Variants in GYS1 observed in about 807,000 individuals in gnomAD.
GYS1 encodes glycogen synthase 1, also known as glycogen [starch] synthase, muscle.
Under a neutral mutation model 89.1 loss-of-function variants are expected in GYS1, and 60 were observed. The observed-to-expected ratio is 0.67, with a 90% CI of 0.55 to 0.84. The LOEUF is 0.84. GYS1 is among the 40% of genes least tolerant of loss of function. The pLI is 0.00. For synonymous variants in GYS1, 366 were observed against 401.7 expected (o/e 0.91, Z 1.06); for missense variants, 888 against 1,003.1 (o/e 0.89, Z 1.55).
At chr19:48,979,003 A>T (rs902151687) in intron 8 of GYS1, among the ~76,000 whole-genome samples, 1 of 152,104 alleles carries the variant, frequency 6.6e-6, no homozygotes, top group Non-Finnish European at 1.5e-5. Flanking sequence ...TCCCTCTCTG[A>T]CTGCAGTGAC....
At chr19:48,972,211 G>A (rs573739833) in intron 12 of GYS1, among the ~76,000 whole-genome samples, 5 of 151,794 alleles carry the variant, frequency 3.3e-5, no homozygotes, top group Middle Eastern at 3.4e-3. Context: ...GGTGGCAGGC[G>A]CCTATAGTCC....
At chr19:48,988,091 C>T (rs144806285) in intron 2 of GYS1, among the ~76,000 whole-genome samples, 12 of 152,208 alleles carry the variant, frequency 7.9e-5, no homozygotes, top group African/African-American at 2.2e-4. Flanking sequence ...CGTGAGCCAC[C>T]GCACCCAGCC....
At chr19:48,984,449 G>A (rs1454453938) in intron 5 of GYS1, among the ~76,000 whole-genome samples, 1 of 149,752 alleles carries the variant, frequency 6.7e-6, no homozygotes, top group African/African-American at 2.5e-5. Context: ...AGGCTGGAGT[G>A]CAGTGGTGTG....
intron 13 of GYS1, 37 bp downstream of exon 13, chr19:48,970,891 G>T: frequency 1.3e-6 from 2 of 1,523,330 alleles, no homozygotes; most frequent in Non-Finnish European, 1.8e-6. Context: ...CTGTTCTCAA[G>T]CCCCCTTCCA....
At chr19:48,992,866 A>C (rs1453829249) in intron 1 of GYS1, 129 bp downstream of exon 1, 1 of 708,924 alleles carries the variant, frequency 1.4e-6, no homozygotes, top group Non-Finnish European at 2.6e-6. Context: ...GCCCCTCCTC[A>C]AGGACACAGC....
chr19:48,971,067 C>A, intron 12 of GYS1, 44 bp from the exon 13 acceptor site: 1 of 1,330,872 alleles, frequency 7.5e-7, no homozygotes. Context: ...TCCCTCATCG[C>A]CTACCGTCTT....
chr19:48,978,265 G>C, intron 8 of GYS1, 108 bp from the exon 9 acceptor site: 1 of 974,902 alleles, frequency 1.0e-6, no homozygotes, highest in Non-Finnish European at 1.6e-6. Flanking sequence ...GGCTCTTGTT[G>C]CCCAGGCTGG....
rs2038919435 is a variant in GYS1 at position 48,991,180 on chromosome 19, T to C, written c.300+122A>G. 1 of 1,081,166 alleles carries C rather than the reference T, an allele frequency of 9.2e-7. No homozygotes were observed. The highest frequency in any genetic ancestry group is 1.4e-6 in the Non-Finnish European group (1 of 713,662). The allele number at this position is 1,081,166 out of a possible 1,614,324, so 67.0% of individuals were successfully genotyped here. ...TGGGTGTCCTATCACGCCTCCTTCC[T>C]GTGTCCAAGCCTGCCTCGCTCTCTG... is the stretch of plus-strand genomic sequence containing the variant. On this transcript the variant is annotated intron_variant, in intron 2 of 15. Transcript: ENST00000323798. The surrounding 1 kb of genome is among the most constrained non-coding windows in gnomAD (Gnocchi z 4.7).
intron 1 of GYS1, among the ~76,000 whole-genome samples, chr19:48,992,044 C>T (rs2038940871): frequency 6.6e-6 from 1 of 152,124 alleles, no homozygotes; most frequent in African/African-American, 2.4e-5. Flanking sequence ...CTAGGGACAC[C>T]AGCATGCAGG....
rs1053474250 is a variant in GYS1, at chr19:48,974,727, A to T, written c.1315T>A (p.Ser439Thr). ...KRAIFATQRQ[S>T]FPPVCTHNML... ...TTGTGGGTGCACACAGGGGGGAAAG[A>T]CTGCCGCTGCAGGAGCCACAAGAAG... Residue 439 changes from serine (S) to threonine (T), a missense_variant, in exon 11 of 16, where the codon TCT becomes ACT. Physicochemically the swap from Ser to Thr is moderately conservative, Grantham distance 58. Transcript: ENST00000323798. 6 of 1,609,468 alleles carry T rather than the reference A, an allele frequency of 3.7e-6. No homozygotes were observed. Among genetic ancestry groups the T allele is most frequent in the Admixed American group, 3.3e-5 (2 of 59,964 alleles).
chr19:48,992,149 G>A (rs1212921699), intron 1 of GYS1, among the ~76,000 whole-genome samples: 2 of 151,986 alleles, frequency 1.3e-5, no homozygotes, highest in African/African-American at 4.8e-5. Flanking sequence ...TACCCGGCTG[G>A]GTGTTCACGG....
intron 10 of GYS1, 141 bp downstream of exon 10, chr19:48,977,783 G>T: frequency 1.4e-6 from 1 of 721,254 alleles, no homozygotes; most frequent in East Asian, 2.6e-5. Context: ...CCCTTCTGTG[G>T]ACCTCAGAAT....
chr19:48,993,304 G>A lies in GYS1; in HGVS notation c.-192C>T, dbSNP rs558266450. 6.1e-6 allele frequency: 4 copies of A among 651,588 alleles called. No individual in the cohort carries two copies. The highest frequency in any genetic ancestry group is 3.0e-5 in the South Asian group (2 of 67,490). The allele number at this position is 651,588 out of a possible 1,614,324, so 40.4% of individuals were successfully genotyped here. On this transcript the variant is annotated 5_prime_UTR_variant, in exon 1 of 16. In the 5' UTR this introduces an upstream ATG that the reference lacks. Transcript: ENST00000323798. ...GACCTAGGCAGAAGGAGGCCGCAGC[G>A]TCACTGAGCCCACTGGCGCCCCTGC...
chr19:48,981,941 G>A (rs963928651), intron 7 of GYS1, among the ~76,000 whole-genome samples: 4 of 152,244 alleles, frequency 2.6e-5, no homozygotes, highest in African/African-American at 9.6e-5. Context: ...CGCCCAGGCT[G>A]GAGTGCAGTG....
intron 8 of GYS1, among the ~76,000 whole-genome samples, chr19:48,978,530 T>TTTATTATTATTATTA (rs71294392): frequency 0.013 from 1,864 of 146,712 alleles, 42 homozygotes; most frequent in African/African-American, 0.043. Context: ...CAGCAGTTTA[T>TTTATTATTATTATTA]TTATTATTAT....
At chr19:48,985,644 G>A in intron 4 of GYS1, 39 bp from the exon 5 acceptor site, 1 of 1,611,486 alleles carries the variant, frequency 6.2e-7, no homozygotes, top group Non-Finnish European at 8.5e-7. Context: ...AGAAGGATTG[G>A]GGAGAAGACT....
chr19:48,974,766 G>T, intron 10 of GYS1, 33 bp from the exon 11 acceptor site: 1 of 1,447,134 alleles, frequency 6.9e-7, no homozygotes, highest in Non-Finnish European at 9.7e-7. Context: ...AAGGGGTCAT[G>T]GAAGGGACAG....
chr19:48,985,724 G>C, intron 4 of GYS1, 119 bp from the exon 5 acceptor site: 1 of 1,495,692 alleles, frequency 6.7e-7, no homozygotes, highest in Non-Finnish European at 9.3e-7. Context: ...TCTGAGGTAG[G>C]AGGGGTCTGG....
At chr19:48,981,261 A>G (rs2038757292) in intron 8 of GYS1, among the ~76,000 whole-genome samples, 1 of 151,630 alleles carries the variant, frequency 6.6e-6, no homozygotes, top group South Asian at 2.1e-4. Context: ...GAAAATACAA[A>G]AATTAGCCAG....
Sources: gnomAD v4.1 joint callset for allele counts (sites outside exome capture counted in the v4.1 genomes callset) on GRCh38, gnomAD v4.1.1 for gene constraint, Gnocchi (gnomAD v3.1) non-coding constraint, MANE v1.5 for transcripts, NCBI Gene and HGNC (gene_info 2026-07-23, HGNC 2026-07-21) for gene names.